Variants in LHFPL3 observed in about 807,000 individuals in gnomAD.
LHFPL3 encodes the protein LHFPL tetraspan subfamily member 3 protein.
Under a neutral mutation model 19.3 loss-of-function variants are expected in LHFPL3, and 5 were observed. The observed-to-expected ratio is 0.26, with a 90% CI of 0.14 to 0.54. LHFPL3 has a LOEUF of 0.54. Among genes scored for constraint, LHFPL3 ranks in the 20% least tolerant of loss-of-function variants. The probability of loss-of-function intolerance (pLI) is 0.94; values close to 1 mark genes in which losing one functional copy is unlikely to be tolerated. For synonymous variants in LHFPL3, 133 were observed against 126.2 expected (o/e 1.05, Z -0.36); for missense variants, 249 against 307.4 (o/e 0.81, Z 1.42).
chr7:104,590,346 A>G lies in LHFPL3; in HGVS notation c.446-146329A>G, dbSNP rs531365709. Among the ~76,000 whole-genome samples, 7 of 152,152 alleles carry G rather than the reference A, an allele frequency of 4.6e-5. No individual in the cohort carries two copies. In the South Asian group the frequency reaches 1.2e-3, roughly 27 times the overall value. On this transcript the variant is annotated intron_variant, in intron 1 of 2. Coordinates refer to ENST00000424859, the MANE Select transcript of LHFPL3 (RefSeq NM_199000.3). ...CTCGTTGGTTTCAAAGAACATCTTT[A>G]TTTCTGCCTTCATTTCATTATGTAC...
chr7:104,422,362 AAAC>A (rs139661329), intron 1 of LHFPL3, among the ~76,000 whole-genome samples: 13 of 151,694 alleles, frequency 8.6e-5, no homozygotes, highest in Admixed American at 6.6e-4. Flanking sequence ...CTCTGTCTCA[AAAC>A]AACAACAACA....
intron 1 of LHFPL3, among the ~76,000 whole-genome samples, chr7:104,367,451 C>CATA (rs1790516401): frequency 3.3e-5 from 5 of 152,192 alleles, no homozygotes; most frequent in Admixed American, 6.5e-5. Flanking sequence ...TGTACTCAAA[C>CATA]TTCTGTGTAT....
intron 1 of LHFPL3, among the ~76,000 whole-genome samples, chr7:104,554,207 T>G (rs1794715039): frequency 6.6e-6 from 1 of 152,160 alleles, no homozygotes; most frequent in South Asian, 2.1e-4. Context: ...TTTTGTGGAT[T>G]TGTTTGTTGG....
At chr7:104,898,088 C>T (rs1023953989) in intron 2 of LHFPL3, among the ~76,000 whole-genome samples, 13 of 144,556 alleles carry the variant, frequency 9.0e-5, no homozygotes, top group Admixed American at 2.2e-4. Flanking sequence ...CGGCTCACTG[C>T]AACCTCCACC....
chr7:104,852,035 CT>C (rs1182912663), intron 2 of LHFPL3, among the ~76,000 whole-genome samples: 1 of 151,986 alleles, frequency 6.6e-6, no homozygotes, highest in African/African-American at 2.4e-5. Flanking sequence ...CTTCCACCAA[CT>C]TTTTTCCCTC....
At chr7:104,582,344 A>C (rs1584416454) in intron 1 of LHFPL3, among the ~76,000 whole-genome samples, 1 of 152,020 alleles carries the variant, frequency 6.6e-6, no homozygotes, top group East Asian at 1.9e-4. Flanking sequence ...AAATTCACTT[A>C]TGAATTCTAA....
At position 104,670,882 on chromosome 7, in the gene LHFPL3, G is replaced by A; in HGVS notation, c.446-65793G>A. Among the ~76,000 whole-genome samples, 2 of 142,944 alleles carry A rather than the reference G, an allele frequency of 1.4e-5. 1 individual carries two copies. Among genetic ancestry groups the A allele is most frequent in the African/African-American group, 5.1e-5 (2 of 39,392 alleles). 93.8% of individuals were successfully genotyped at this position (142,944 alleles called of 152,430 possible). A position where few individuals can be genotyped will look rare whatever the true frequency, so the allele number is the denominator to read the frequency against. ...TTTTGTTTTGTTTTTTTTTTTTTAAGCTTCCCTTGAGAGAATAAACGGAAA... is the reference window on the plus strand; with the variant it reads ...TTTTGTTTTGTTTTTTTTTTTTTAAACTTCCCTTGAGAGAATAAACGGAAA... On this transcript the variant is annotated intron_variant, in intron 1 of 2. Transcript: ENST00000424859.
intron 1 of LHFPL3, among the ~76,000 whole-genome samples, chr7:104,451,320 T>G (rs918922324): frequency 6.6e-6 from 1 of 152,226 alleles, no homozygotes; most frequent in African/African-American, 2.4e-5. Flanking sequence ...GCTGCCATGT[T>G]CGAGGTTAAG....
rs536530101 is a variant in LHFPL3 at position 104,352,280 on chromosome 7, TGAA to T, written c.445+23057_445+23059del. On this transcript the variant is annotated intron_variant, in intron 1 of 2. Coordinates refer to ENST00000424859, the MANE Select transcript of LHFPL3 (RefSeq NM_199000.3). The stretch of plus-strand genomic sequence containing the variant: ...ATATTTATATTGTAAGCATAGAAAA[TGAA>T]TAATATATGTAAATTATTACCATTA... Among the ~76,000 whole-genome samples, 16 of 152,152 alleles carry T rather than the reference TGAA, an allele frequency of 1.1e-4. No individual in the cohort carries two copies. In the South Asian group the frequency reaches 3.3e-3, roughly 32 times the overall value.
intron 1 of LHFPL3, among the ~76,000 whole-genome samples, chr7:104,468,805 C>T (rs536641064): frequency 4.6e-5 from 7 of 152,014 alleles, no homozygotes; most frequent in African/African-American, 1.4e-4. Context: ...ATTACAGGTG[C>T]CTGCCACCAC....
At chr7:104,411,291 A>C (rs866340990) in intron 1 of LHFPL3, among the ~76,000 whole-genome samples, 16 of 152,294 alleles carry the variant, frequency 1.1e-4, no homozygotes, top group Middle Eastern at 3.4e-3. Context: ...GGTGACAGAT[A>C]ACTACAGTGC....
chr7:104,696,283 C>T (rs1193432751), intron 1 of LHFPL3, among the ~76,000 whole-genome samples: 2 of 152,138 alleles, frequency 1.3e-5, no homozygotes, highest in Admixed American at 6.5e-5. Context: ...CATTTGTAAA[C>T]TAGGATTAAT....
chr7:104,740,775 A>T (rs989073133), intron 2 of LHFPL3, among the ~76,000 whole-genome samples: 1 of 152,198 alleles, frequency 6.6e-6, no homozygotes, highest in Non-Finnish European at 1.5e-5. Flanking sequence ...TGGCCTTGAC[A>T]TGTGGGAATT....
At chr7:104,858,839 T>G (rs1791559514) in intron 2 of LHFPL3, among the ~76,000 whole-genome samples, 1 of 152,088 alleles carries the variant, frequency 6.6e-6, no homozygotes, top group South Asian at 2.1e-4. Context: ...TTCTCCCAAG[T>G]TGCATCTTCC....
chr7:104,332,095 A>G (rs1207606854), intron 1 of LHFPL3, among the ~76,000 whole-genome samples: 1 of 151,780 alleles, frequency 6.6e-6, no homozygotes, highest in Non-Finnish European at 1.5e-5. Flanking sequence ...TTAGTGTACT[A>G]TTTGCTTATT....
intron 1 of LHFPL3, among the ~76,000 whole-genome samples, chr7:104,701,087 A>G (rs1028443867): frequency 6.6e-6 from 1 of 152,174 alleles, no homozygotes; most frequent in Admixed American, 6.5e-5. Flanking sequence ...TGTCTTTACT[A>G]TGCCCTCTCG....
At chr7:104,625,586 C>T (rs1171888095) in intron 1 of LHFPL3, among the ~76,000 whole-genome samples, 1 of 151,978 alleles carries the variant, frequency 6.6e-6, no homozygotes, top group Non-Finnish European at 1.5e-5. Context: ...AAAGATAAGA[C>T]CATATTATCC....
At chr7:104,829,553 TCCCA>T (rs2116552999) in intron 2 of LHFPL3, among the ~76,000 whole-genome samples, 1 of 151,800 alleles carries the variant, frequency 6.6e-6, no homozygotes, top group African/African-American at 2.4e-5. Context: ...ATTGTTCAGT[TCCCA>T]CCTATGAGTG....
chr7:104,877,992 C>G (rs945702481), intron 2 of LHFPL3, among the ~76,000 whole-genome samples: 3 of 152,162 alleles, frequency 2.0e-5, no homozygotes, highest in Non-Finnish European at 4.4e-5. Flanking sequence ...CGCCACCACA[C>G]CTGGCTAATT....
Sources: gnomAD v4.1 joint callset for allele counts (sites outside exome capture counted in the v4.1 genomes callset) on GRCh38, gnomAD v4.1.1 for gene constraint, MANE v1.5 for transcripts, NCBI Gene and HGNC (gene_info 2026-07-23, HGNC 2026-07-21) for gene names.